The following OR5B2 variants were observed in gnomAD, a reference collection of about 807,000 sequenced individuals.
OR5B2 encodes olfactory receptor family 5 subfamily B member 2.
For synonymous variants in OR5B2, 163 were observed against 140.8 expected (o/e 1.16, Z -1.11); for missense variants, 411 against 367.0 (o/e 1.12, Z -0.98).
chr11:58,424,623 G>T (rs982108219), intron 2 of OR5B2, among the ~76,000 whole-genome samples: 1 of 151,882 alleles, frequency 6.6e-6, no homozygotes, highest in Non-Finnish European at 1.5e-5. Flanking sequence ...GATCTGTTTT[G>T]GTGGCAGGTT....
Position 58,422,268 on chromosome 11 carries a change from T to C in OR5B2, c.*64A>G. The C allele has an allele frequency of 1.0e-6, 1 of 974,438 alleles. No individual in the cohort carries two copies. The highest frequency in any genetic ancestry group is 1.6e-6 in the Non-Finnish European group (1 of 629,628). 60.4% of individuals were successfully genotyped at this position (974,438 alleles called of 1,614,324 possible). The stretch of plus-strand genomic sequence containing the variant: ...GGGGTTTCAAATGTAACTCATTGCA[T>C]GAGGAAAGTCTGAGATGAGGGAAAC... On this transcript the variant is annotated 3_prime_UTR_variant, in exon 3 of 3. Transcript: ENST00000641342.
chr11:58,424,485 A>G (rs1855316234), intron 2 of OR5B2, among the ~76,000 whole-genome samples: 1 of 151,968 alleles, frequency 6.6e-6, no homozygotes, highest in Non-Finnish European at 1.5e-5. Context: ...CTTCCTTGAA[A>G]TTTACATTTT....
At chr11:58,427,612 T>C (rs542720524) in intron 1 of OR5B2, among the ~76,000 whole-genome samples, 1 of 152,172 alleles carries the variant, frequency 6.6e-6, no homozygotes, top group Non-Finnish European at 1.5e-5. Flanking sequence ...ACTGTGAATT[T>C]GCATCCAAGT....
Position 58,422,335 on chromosome 11 carries a change from T to G in OR5B2, c.927A>C (p.Leu309=), listed in dbSNP as rs145763675. 6 of 1,595,554 alleles carry G rather than the reference T, an allele frequency of 3.8e-6. No individual in the cohort carries two copies. The highest frequency in any genetic ancestry group is 2.2e-5 in the East Asian group (1 of 44,564). ...CAACAATGTTAAAATTCCAAACTTA[T>G]AGAAATTTTTGCCTTCTCAACACTT... The part of the protein sequence containing the change: ...FKKVLRRQKF[L] Residue 309 remains leucine, a synonymous_variant, in exon 3 of 3, where the codon CTA becomes CTC. Coordinates refer to ENST00000641342, the MANE Select transcript of OR5B2 (RefSeq NM_001005566.3).
In OR5B2 at chr11:58,428,057, G is replaced by C. The variant is rs1034642268; in HGVS notation, c.-122C>G. 9.2e-5 allele frequency: 14 copies of C among 152,556 alleles called. No individual in the cohort carries two copies. Among genetic ancestry groups the C allele is most frequent in the Non-Finnish European group, 1.6e-4 (11 of 68,248 alleles). 9.5% of individuals were successfully genotyped at this position (152,556 alleles called of 1,614,324 possible). ...GGAATCCACATGGCCAGAATGGAGA[G>C]GCAAGAATAGCATGGGCTTCAGCTG... On this transcript the variant is annotated 5_prime_UTR_variant, in exon 1 of 3. Coordinates refer to ENST00000641342, the MANE Select transcript of OR5B2 (RefSeq NM_001005566.3).
At position 58,422,964 on chromosome 11, in the gene OR5B2, A is replaced by T; in HGVS notation, c.298T>A (p.Phe100Ile). The stretch of plus-strand genomic sequence containing the variant: ...ACCGTGGCCAAGGCTACAAAGAAGA[A>T]CATCTGAACAGCACATGCATTGTAG... ...ISYNACAVQM[F>I]FFVALATVEN... is the part of the protein sequence containing the mutation. The change falls in exon 3 of 3, where the codon TTC becomes ATC. Residue 100 changes from phenylalanine to isoleucine, a missense_variant. Coordinates refer to ENST00000641342, the MANE Select transcript of OR5B2 (RefSeq NM_001005566.3). 6.2e-7 allele frequency: 1 copy of T among 1,613,872 alleles called. No individual in the cohort carries two copies. Among genetic ancestry groups the T allele is most frequent in the Non-Finnish European group, 8.5e-7 (1 of 1,179,860 alleles).
rs2119931262 is a variant in OR5B2 at position 58,422,145 on chromosome 11, C to T, written c.*187G>A. On this transcript the variant is annotated 3_prime_UTR_variant, in exon 3 of 3. Coordinates refer to ENST00000641342, the MANE Select transcript of OR5B2 (RefSeq NM_001005566.3). ...ATTCTAACATTTCCATTTAGCCTTCCTCATTCAGGTATTACATTTCTGATA... is the reference window on the plus strand; with the variant it reads ...ATTCTAACATTTCCATTTAGCCTTCTTCATTCAGGTATTACATTTCTGATA... 1 of 452,064 alleles carries T rather than the reference C, an allele frequency of 2.2e-6. No individual in the cohort carries two copies. 28.0% of individuals were successfully genotyped at this position (452,064 alleles called of 1,614,324 possible).
At chr11:58,424,697 G>C (rs139044684) in intron 2 of OR5B2, among the ~76,000 whole-genome samples, 1 of 152,080 alleles carries the variant, frequency 6.6e-6, no homozygotes, top group Non-Finnish European at 1.5e-5. Context: ...AATTAGAAAG[G>C]GCATTCATCC....
In OR5B2 at chr11:58,422,006, T is replaced by A. The variant is rs368093272; in HGVS notation, c.*326A>T. The A allele has an allele frequency of 7.3e-5, 14 of 192,372 alleles. No homozygotes were observed. The South Asian group carries it at 1.8e-3, about 25-fold the overall frequency. 11.9% of individuals were successfully genotyped at this position (192,372 alleles called of 1,614,324 possible). A position where few individuals can be genotyped will look rare whatever the true frequency, so the allele number is the denominator to read the frequency against. On this transcript the variant is annotated 3_prime_UTR_variant, in exon 3 of 3. Transcript: ENST00000641342. Reference sequence around the variant, plus strand: ...AAACATGTACTTTTTTGTGGGCTTGTTGGTGTCCCTGTTTAACAAGTATGT... The same window carrying A: ...AAACATGTACTTTTTTGTGGGCTTGATGGTGTCCCTGTTTAACAAGTATGT...
intron 1 of OR5B2, among the ~76,000 whole-genome samples, chr11:58,427,125 A>G (rs1855347148): frequency 6.6e-6 from 1 of 152,176 alleles, no homozygotes; most frequent in Non-Finnish European, 1.5e-5. Context: ...ACTGGGAACT[A>G]ACAATAATTG....
rs1482471313 is a variant in OR5B2, at chr11:58,422,702, C to G, written c.560G>C (p.Cys187Ser). 3.1e-6 allele frequency: 5 copies of G among 1,613,658 alleles called. No homozygotes were observed. The highest frequency in any genetic ancestry group is 4.2e-6 in the Non-Finnish European group (5 of 1,179,820). The change falls in exon 3 of 3, where the codon TGC becomes TCC. Residue 187 changes from cysteine to serine, a missense_variant. Transcript: ENST00000641342. ...CACCTCACTAGTGTGTTTATCAGAG[C>G]AAGACAGAGCCATGACTGCTGGAAC... ...CDVPAVMALS[C>S]SDKHTSEVIL... is the part of the protein sequence containing the mutation.
chr11:58,423,123 T>A lies in OR5B2; in HGVS notation c.139A>T (p.Ile47Phe). 6.2e-7 allele frequency: 1 copy of A among 1,613,514 alleles called. No homozygotes were observed. The highest frequency in any genetic ancestry group is 1.1e-5 in the South Asian group (1 of 91,054). ...LCGNLGMMLL[I>F]LMDSCLHTPM... ...GTGTGGAGACAAGAGTCCATCAGGA[T>A]CAGCAACATCATCCCCAGGTTCCCA... Residue 47 changes from isoleucine (I) to phenylalanine (F), a missense_variant, in exon 3 of 3, where the codon ATC becomes TTC. Coordinates refer to ENST00000641342, the MANE Select transcript of OR5B2 (RefSeq NM_001005566.3).
Position 58,421,292 on chromosome 11 carries a change from C to A in OR5B2, c.*1040G>T, listed in dbSNP as rs1488124170. 6.6e-6 allele frequency: 1 copy of A among 152,040 alleles called. No homozygotes were observed. Among genetic ancestry groups the A allele is most frequent in the Non-Finnish European group, 1.5e-5 (1 of 67,980 alleles). 9.4% of individuals were successfully genotyped at this position (152,040 alleles called of 1,614,324 possible). ...AACACTAGGGAAGCAACCAAAATAT[C>A]CTTCAGTAGGTACATGAATAAAGTG... is the stretch of plus-strand genomic sequence containing the variant. On this transcript the variant is annotated 3_prime_UTR_variant, in exon 3 of 3. Transcript: ENST00000641342.
rs749431410 is a variant in OR5B2, at chr11:58,423,063, C to G, written c.199G>C (p.Val67Leu). 2.5e-6 allele frequency: 4 copies of G among 1,613,476 alleles called. No individual in the cohort carries two copies. The African/African-American group carries it at 5.3e-5, about 22-fold the overall frequency. ...MYFFLSNLSL[V>L]DFGYSSAVTP... ...ACAGCTGAGGAGTATCCAAAGTCCACCAGAGACAGGTTACTGAGGAAAAAG... is the reference window on the plus strand; with the variant it reads ...ACAGCTGAGGAGTATCCAAAGTCCAGCAGAGACAGGTTACTGAGGAAAAAG... The change falls in exon 3 of 3, where the codon GTG becomes CTG. Residue 67 changes from valine to leucine, a missense_variant. Coordinates refer to ENST00000641342, the MANE Select transcript of OR5B2 (RefSeq NM_001005566.3).
chr11:58,423,223 T>C lies in OR5B2; in HGVS notation c.39A>G (p.Leu13=), dbSNP rs1855301471. The C allele has an allele frequency of 1.2e-6, 2 of 1,608,896 alleles. No individual in the cohort carries two copies. The highest frequency in any genetic ancestry group is 1.7e-5 in the Admixed American group (1 of 59,474). Residue 13 remains leucine (L), a synonymous_variant, in exon 3 of 3, where the codon CTA becomes CTG. Transcript: ENST00000641342. ...GTAGTTCTGGGACACTGGTTAGTCCTAGAAGAATGAACTTTGTCACTTCCG... is the reference window on the plus strand; with the variant it reads ...GTAGTTCTGGGACACTGGTTAGTCCCAGAAGAATGAACTTTGTCACTTCCG... ...NCTEVTKFIL[L]GLTSVPELQI...
In OR5B2 at chr11:58,422,267, A is replaced by G; in HGVS notation, c.*65T>C. On this transcript the variant is annotated 3_prime_UTR_variant, in exon 3 of 3. Transcript: ENST00000641342. Reference sequence around the variant, plus strand: ...TGGGGTTTCAAATGTAACTCATTGCATGAGGAAAGTCTGAGATGAGGGAAA... The same window carrying G: ...TGGGGTTTCAAATGTAACTCATTGCGTGAGGAAAGTCTGAGATGAGGGAAA... 2 of 964,598 alleles carry G rather than the reference A, an allele frequency of 2.1e-6. No individual in the cohort carries two copies. Among genetic ancestry groups the G allele is most frequent in the Non-Finnish European group, 3.2e-6 (2 of 621,000 alleles). The allele number at this position is 964,598 out of a possible 1,614,324, so 59.8% of individuals were successfully genotyped here. A position where few individuals can be genotyped will look rare whatever the true frequency, so the allele number is the denominator to read the frequency against.
In OR5B2 at chr11:58,423,239, G is replaced by T. The variant is rs761256485; in HGVS notation, c.23C>A (p.Thr8Lys). 5 of 1,601,932 alleles carry T rather than the reference G, an allele frequency of 3.1e-6. No homozygotes were observed. Among genetic ancestry groups the T allele is most frequent in the Non-Finnish European group, 4.3e-6 (5 of 1,172,744 alleles). The change falls in exon 3 of 3, where the codon ACA becomes AAA. Residue 8 changes from threonine (T) to lysine (K), a missense_variant. Coordinates refer to ENST00000641342, the MANE Select transcript of OR5B2 (RefSeq NM_001005566.3). MENCTEV[T>K]KFILLGLTSV... is the part of the protein sequence containing the mutation. ...GGTTAGTCCTAGAAGAATGAACTTT[G>T]TCACTTCCGTACAATTCTCCATCAG...
At chr11:58,427,825 C>G (rs1215904241) in intron 1 of OR5B2, among the ~76,000 whole-genome samples, 194 bp downstream of exon 1, 2 of 152,100 alleles carry the variant, frequency 1.3e-5, no homozygotes, top group African/African-American at 4.8e-5. Flanking sequence ...CTGGATCAGA[C>G]TTGGGGAACA....
Position 58,422,475 on chromosome 11 carries a change from T to A in OR5B2, c.787A>T (p.Ser263Cys), listed in dbSNP as rs1855286088. The A allele has an allele frequency of 6.2e-7, 1 of 1,613,768 alleles. No individual in the cohort carries two copies. Among genetic ancestry groups the A allele is most frequent in the Non-Finnish European group, 8.5e-7 (1 of 1,179,850 alleles). Residue 263 changes from serine to cysteine, a missense_variant, in exon 3 of 3, where the codon AGC becomes TGC. Coordinates refer to ENST00000641342, the MANE Select transcript of OR5B2 (RefSeq NM_001005566.3). ...VIFIYLQPSS[S>C]HSMDTDKMAS... ...ATTTTGTCTGTGTCCATGGAGTGGC[T>A]GGAGCTGGGCTGCAAGTAGATGAAG...
Sources: allele counts gnomAD v4.1 joint callset (sites outside exome capture counted in the v4.1 genomes callset), GRCh38; gene constraint gnomAD v4.1.1; transcripts MANE v1.5; gene names NCBI Gene and HGNC (gene_info 2026-07-23, HGNC 2026-07-21).